AKIP1: variants seen among roughly 807,000 people sequenced by gnomAD.
The protein encoded by AKIP1 is A-kinase-interacting protein 1.
A neutral mutation model predicts 22.3 loss-of-function variants in AKIP1; 18 were observed. The observed-to-expected ratio is 0.81, with a 90% CI of 0.56 to 1.19. AKIP1 has a LOEUF of 1.19. Among genes scored for constraint, AKIP1 ranks in the 50% most tolerant of loss-of-function variants. The pLI, the probability that AKIP1 is intolerant of heterozygous loss-of-function variation, is 0.00. For synonymous variants in AKIP1, 120 were observed against 102.7 expected, an observed-to-expected ratio of 1.17 and a Z score of -1.02; for missense variants, 287 against 264.6, an observed-to-expected ratio of 1.08 and a Z score of -0.59.
At position 8,919,569 on chromosome 11, in the gene AKIP1, C is replaced by T; in HGVS notation, c.*89C>T. 1 of 1,424,676 alleles carries T rather than the reference C, an allele frequency of 7.0e-7. No homozygotes were observed. The highest frequency in any genetic ancestry group is 9.6e-7 in the Non-Finnish European group (1 of 1,041,174). The allele number at this position is 1,424,676 out of a possible 1,614,324, so 88.3% of individuals were successfully genotyped here. On this transcript the variant is annotated 3_prime_UTR_variant, in exon 6 of 6. Transcript: ENST00000309377. ...TTCTCTTAATAGCTATACATTAATCCTGTTTTTAGTGCTGACTGGGTCAGC... is the reference window on the plus strand; with the variant it reads ...TTCTCTTAATAGCTATACATTAATCTTGTTTTTAGTGCTGACTGGGTCAGC...
rs894170681 is a variant in AKIP1, at chr11:8,919,634, G to C, written c.*154G>C. The C allele has an allele frequency of 2.4e-6, 2 of 826,570 alleles. No individual in the cohort carries two copies. Among genetic ancestry groups the C allele is most frequent in the Non-Finnish European group, 3.7e-6 (2 of 539,692 alleles). The allele number at this position is 826,570 out of a possible 1,614,324, so 51.2% of individuals were successfully genotyped here. A position where few individuals can be genotyped will look rare whatever the true frequency, so the allele number is the denominator to read the frequency against. ...AGTCTGTCTCTTTCAGTGCTTTTTTGTTTGTTTGGTTGGTTTTTTTTTGAG... is the reference window on the plus strand; with the variant it reads ...AGTCTGTCTCTTTCAGTGCTTTTTTCTTTGTTTGGTTGGTTTTTTTTTGAG... On this transcript the variant is annotated 3_prime_UTR_variant, in exon 6 of 6. Coordinates refer to ENST00000309377, the MANE Select transcript of AKIP1 (RefSeq NM_020642.4).
chr11:8,913,857 A>G (rs144263178), intron 3 of AKIP1, among the ~76,000 whole-genome samples: 2 of 152,328 alleles, frequency 1.3e-5, no homozygotes, highest in African/African-American at 4.8e-5. Flanking sequence ...CCTCAACTCT[A>G]CTGTAAAGTG....
chr11:8,913,041 A>C (rs2064422643), intron 3 of AKIP1, among the ~76,000 whole-genome samples: 1 of 139,642 alleles, frequency 7.2e-6, no homozygotes. Context: ...CGCCCAGCTA[A>C]TTTTTTTTTT....
chr11:8,915,048 G>A, intron 4 of AKIP1, 118 bp downstream of exon 4: 1 of 683,058 alleles, frequency 1.5e-6, no homozygotes, highest in Non-Finnish European at 2.5e-6. Flanking sequence ...TGGCATTACA[G>A]TGCTTAACAG....
chr11:8,919,896 C>G lies in AKIP1; in HGVS notation c.*416C>G. 5.8e-6 allele frequency: 1 copy of G among 172,364 alleles called. No homozygotes were observed. The highest frequency in any genetic ancestry group is 5.6e-5 in the Admixed American group (1 of 17,904). 10.7% of individuals were successfully genotyped at this position (172,364 alleles called of 1,614,324 possible). A position where few individuals can be genotyped will look rare whatever the true frequency, so the allele number is the denominator to read the frequency against. ...TCGTGATCCACCCACCTTGGCCTCC[C>G]AAAGTGTTGGGATTACAGGCGTGAG... On this transcript the variant is annotated 3_prime_UTR_variant, in exon 6 of 6. Coordinates refer to ENST00000309377, the MANE Select transcript of AKIP1 (RefSeq NM_020642.4).
chr11:8,917,056 T>G (rs767161735), intron 4 of AKIP1, among the ~76,000 whole-genome samples: 1 of 152,212 alleles, frequency 6.6e-6, no homozygotes, highest in Non-Finnish European at 1.5e-5. Context: ...AGATAGGACT[T>G]AAACTCAGGC....
intron 3 of AKIP1, among the ~76,000 whole-genome samples, chr11:8,913,378 G>C (rs537578153): frequency 2.5e-4 from 38 of 152,018 alleles, no homozygotes; most frequent in African/African-American, 9.2e-4. Flanking sequence ...AGTAGAGACA[G>C]GGCTTCACCA....
At chr11:8,914,271 C>T (rs994863093) in intron 3 of AKIP1, among the ~76,000 whole-genome samples, 20 of 152,316 alleles carry the variant, frequency 1.3e-4, no homozygotes, top group African/African-American at 4.8e-4. Flanking sequence ...TAACTGTTTT[C>T]CGATCTTTCG....
At chr11:8,917,394 G>A in intron 5 of AKIP1, 27 bp downstream of exon 5, 1 of 1,568,226 alleles carries the variant, frequency 6.4e-7, no homozygotes, top group Non-Finnish European at 8.8e-7. Context: ...TTACGCACTG[G>A]GTTTCACCAC....
intron 1 of AKIP1, 68 bp from the exon 2 acceptor site, chr11:8,911,376 C>G: frequency 7.1e-7 from 1 of 1,414,746 alleles, no homozygotes; most frequent in South Asian, 1.4e-5. Context: ...GGCTCCCACC[C>G]GGATTTGGAG....
chr11:8,918,581 T>C (rs2064523526), intron 5 of AKIP1, among the ~76,000 whole-genome samples: 1 of 152,222 alleles, frequency 6.6e-6, no homozygotes, highest in East Asian at 1.9e-4. Context: ...ACTCTGGCCC[T>C]TAATTACAGG....
In AKIP1 at chr11:8,914,544, C is replaced by A. The variant is rs573876959; in HGVS notation, c.304-282C>A. 6.8e-4 allele frequency among the ~76,000 whole-genome samples: 103 copies of A among 152,326 alleles called. 1 individual carries two copies. Among genetic ancestry groups the A allele is most frequent in the African/African-American group, 2.4e-3 (99 of 41,570 alleles). ...GGCAAAGATGTGAAATTTGTTTAAC[C>A]TGGCAGAGAGCATGGTCCTGCCCAC... On this transcript the variant is annotated intron_variant, in intron 3 of 5. Transcript: ENST00000309377.
At position 8,919,452 on chromosome 11, in the gene AKIP1, A is replaced by G. The variant is rs2064542690; in HGVS notation, c.605A>G (p.Gln202Arg). 2 of 1,614,152 alleles carry G rather than the reference A, an allele frequency of 1.2e-6. No homozygotes were observed. Among genetic ancestry groups the G allele is most frequent in the East Asian group, 4.5e-5 (2 of 44,888 alleles). The change falls in exon 6 of 6, where the codon CAA becomes CGA. Residue 202 changes from glutamine (Q) to arginine (R), a missense_variant. By Grantham distance (43) the Gln-to-Arg change is conservative (BLOSUM62 1). Transcript: ENST00000309377. ...CATGTGGTAGCAGTTGATTCTGGAC[A>G]AAGCGTGGACCTGGTCTTCCCTGTG... ...KTHVVAVDSGQSVDLVFPV is the reference protein window; with the variant it reads ...KTHVVAVDSGRSVDLVFPV
At chr11:8,919,242 AT>A in intron 5 of AKIP1, 94 bp from the exon 6 acceptor site, 1 of 1,249,814 alleles carries the variant, frequency 8.0e-7, no homozygotes, top group Non-Finnish European at 1.1e-6. Flanking sequence ...GCTTCATTCC[AT>A]CACACCTCTG....
chr11:8,911,560 G>A lies in AKIP1; in HGVS notation c.111G>A (p.Val37=), dbSNP rs2064347110. ...TGGAGAGGGCCAAGAGGAGGGCGGT[G>A]GACTGGCATGCCCTGGAGCGTCCCA... The part of the protein sequence containing the change: ...EVLERAKRRA[V]DWHALERPKG... Residue 37 remains valine, a synonymous_variant, in exon 2 of 6, where the codon GTG becomes GTA. Transcript: ENST00000309377. 6.2e-7 allele frequency: 1 copy of A among 1,611,236 alleles called. No individual in the cohort carries two copies. The highest frequency in any genetic ancestry group is 1.3e-5 in the African/African-American group (1 of 75,028).
chr11:8,912,859 G>A, intron 3 of AKIP1, among the ~76,000 whole-genome samples: 1 of 134,056 alleles, frequency 7.5e-6, no homozygotes, highest in Non-Finnish European at 1.6e-5. Context: ...AAATATTAGG[G>A]GTTTTTTTTA....
intron 5 of AKIP1, among the ~76,000 whole-genome samples, chr11:8,918,594 C>G (rs1339330122): frequency 1.3e-5 from 2 of 152,166 alleles, no homozygotes; most frequent in Non-Finnish European, 1.5e-5. Flanking sequence ...ATTACAGGCT[C>G]TCTTCTGGTT....
At position 8,919,633 on chromosome 11, in the gene AKIP1, T is replaced by TGTTC; in HGVS notation, c.*156_*157insCGTT. On this transcript the variant is annotated 3_prime_UTR_variant, in exon 6 of 6. Coordinates refer to ENST00000309377, the MANE Select transcript of AKIP1 (RefSeq NM_020642.4). Reference sequence around the variant, plus strand: ...GAGTCTGTCTCTTTCAGTGCTTTTTTGTTTGTTTGGTTGGTTTTTTTTTGA... The same window carrying TGTTC: ...GAGTCTGTCTCTTTCAGTGCTTTTTTGTTCGTTTGTTTGGTTGGTTTTTTTTTGA... 2 of 852,616 alleles carry TGTTC rather than the reference T, an allele frequency of 2.3e-6. No individual in the cohort carries two copies. The highest frequency in any genetic ancestry group is 1.7e-5 in the African/African-American group (1 of 58,328). The allele number at this position is 852,616 out of a possible 1,614,324, so 52.8% of individuals were successfully genotyped here.
chr11:8,913,290 C>T (rs1040913178), intron 3 of AKIP1, among the ~76,000 whole-genome samples: 7 of 151,432 alleles, frequency 4.6e-5, no homozygotes, highest in African/African-American at 7.3e-5. Flanking sequence ...CTGGTTCAAG[C>T]GATTCTCCTG....
Sources: gnomAD v4.1 joint callset for allele counts (sites outside exome capture counted in the v4.1 genomes callset) on GRCh38, gnomAD v4.1.1 for gene constraint, MANE v1.5 for transcripts, NCBI Gene and HGNC (gene_info 2026-07-23, HGNC 2026-07-21) for gene names.